The following PRR16 variants were observed in gnomAD, a reference collection of about 807,000 sequenced individuals.
PRR16 encodes the protein proline rich 16.
A neutral mutation model predicts 18.2 loss-of-function variants in PRR16; 6 were observed. The ratio of observed to expected loss-of-function variants is 0.33; its 90% CI spans 0.18 to 0.65. The LOEUF is 0.65. PRR16 is among the 30% of genes least tolerant of loss of function. The probability of loss-of-function intolerance (pLI) is 0.74; values close to 1 mark genes in which losing one functional copy is unlikely to be tolerated. For missense variants in PRR16, 412 were observed against 376.6 expected, an observed-to-expected ratio of 1.09 and a Z score of -0.78; for synonymous variants, 151 against 147.8, an observed-to-expected ratio of 1.02 and a Z score of -0.16.
chr5:120,660,626 C>T (rs1401233064), intron 1 of PRR16, among the ~76,000 whole-genome samples: 1 of 151,986 alleles, frequency 6.6e-6, no homozygotes, highest in African/African-American at 2.4e-5. Context: ...TTAAATGACA[C>T]AGATACAACA....
chr5:120,703,761 T>A, the PRR16 span, among the ~76,000 whole-genome samples: 2 of 152,248 alleles, frequency 1.3e-5, no homozygotes, highest in Non-Finnish European at 2.9e-5. Flanking sequence ...TTATTGATGG[T>A]TAAAAAGTGT....
chr5:120,648,243 C>T (rs1425694836), intron 1 of PRR16, among the ~76,000 whole-genome samples: 2 of 152,104 alleles, frequency 1.3e-5, no homozygotes, highest in Non-Finnish European at 2.9e-5. Flanking sequence ...CTATAAATAA[C>T]AGCTAATATT....
rs188406282 is a variant in PRR16, at chr5:120,581,060, C to T, written c.160-104894C>T. Among the ~76,000 whole-genome samples the T allele has an allele frequency of 3.0e-3, 462 of 152,296 alleles. 3 individuals carry two copies. The highest frequency in any genetic ancestry group is 0.011 in the African/African-American group (439 of 41,570). On this transcript the variant is annotated intron_variant, in intron 1 of 1. Transcript: ENST00000407149. Reference sequence around the variant, plus strand: ...TAAAATTAGTTAGAGAGGAGTCCCTCCTTTTCAATTGTTTGGAATAGTTTC... The same window carrying T: ...TAAAATTAGTTAGAGAGGAGTCCCTTCTTTTCAATTGTTTGGAATAGTTTC...
the PRR16 span, among the ~76,000 whole-genome samples, chr5:120,763,546 T>G: frequency 6.6e-6 from 1 of 152,204 alleles, no homozygotes; most frequent in Non-Finnish European, 1.5e-5. Context: ...TTGAGCTTTC[T>G]TTTGGTTCCA....
chr5:120,682,327 C>T (rs895454599), intron 1 of PRR16, among the ~76,000 whole-genome samples: 60 of 152,160 alleles, frequency 3.9e-4, no homozygotes, highest in African/African-American at 1.3e-3. Context: ...TTCTTCAGAG[C>T]GCTTGAGCTA....
At chr5:120,757,563 TGTG>T in the PRR16 span, among the ~76,000 whole-genome samples, 18 of 152,140 alleles carry the variant, frequency 1.2e-4, no homozygotes, top group Non-Finnish European at 1.8e-4. Flanking sequence ...AGAAAAATAA[TGTG>T]GTGTTTGAAA....
At chr5:120,505,462 C>T (rs1750609766) in intron 1 of PRR16, among the ~76,000 whole-genome samples, 1 of 152,140 alleles carries the variant, frequency 6.6e-6, no homozygotes, top group Admixed American at 6.5e-5. Flanking sequence ...CTTTGTACCC[C>T]ACTTTATACT....
chr5:120,744,650 G>T, the PRR16 span, among the ~76,000 whole-genome samples: 1 of 152,112 alleles, frequency 6.6e-6, no homozygotes, highest in African/African-American at 2.4e-5. Flanking sequence ...TTAAAATAGA[G>T]CTCATGACAT....
At chr5:120,717,208 CTTTAAGG>C in the PRR16 span, among the ~76,000 whole-genome samples, 1 of 152,108 alleles carries the variant, frequency 6.6e-6, no homozygotes, top group Non-Finnish European at 1.5e-5. Flanking sequence ...AGTACAAACA[CTTTAAGG>C]TTTAACTATT....
chr5:120,731,981 A>C, the PRR16 span, among the ~76,000 whole-genome samples: 1 of 152,204 alleles, frequency 6.6e-6, no homozygotes, highest in South Asian at 2.1e-4. Flanking sequence ...GGGGGCTACA[A>C]ATGGGTCTTG....
At chr5:120,609,038 C>G (rs1754247995) in intron 1 of PRR16, among the ~76,000 whole-genome samples, 1 of 152,142 alleles carries the variant, frequency 6.6e-6, no homozygotes, top group Admixed American at 6.6e-5. Flanking sequence ...CCTAAAATGA[C>G]CACATCTTCT....
At chr5:120,590,610 T>C (rs1037569) in intron 1 of PRR16, among the ~76,000 whole-genome samples, 120,238 of 151,932 alleles carry the variant, frequency 0.79, 48,022 homozygotes, top group East Asian at 0.91. Context: ...TACACTTGAA[T>C]GAAGTTATTG....
Position 120,667,474 on chromosome 5 carries a change from A to T in PRR16, c.160-18480A>T, listed in dbSNP as rs571920420. Reference sequence around the variant, plus strand: ...TTTCCTTCAGTTCTGCTCTGATTTTAGTTATTTCTTGCCTTCTGCTAGCTT... The same window carrying T: ...TTTCCTTCAGTTCTGCTCTGATTTTTGTTATTTCTTGCCTTCTGCTAGCTT... On this transcript the variant is annotated intron_variant, in intron 1 of 1. Transcript: ENST00000407149. Among the ~76,000 whole-genome samples the T allele has an allele frequency of 5.3e-5, 8 of 151,502 alleles. 1 individual carries two copies. The South Asian group carries it at 1.7e-3, about 32-fold the overall frequency.
the PRR16 span, among the ~76,000 whole-genome samples, chr5:120,708,441 G>A: frequency 6.6e-6 from 1 of 152,234 alleles, no homozygotes; most frequent in East Asian, 1.9e-4. Context: ...ATGAGCTCCT[G>A]GTTGAATTTT....
intron 1 of PRR16, among the ~76,000 whole-genome samples, chr5:120,479,142 G>A (rs1749532056): frequency 1.3e-5 from 2 of 152,224 alleles, no homozygotes; most frequent in Admixed American, 6.5e-5. Context: ...AGTCGTTAAG[G>A]TAGAAATGGG....
chr5:120,733,350 A>G, the PRR16 span, among the ~76,000 whole-genome samples: 3 of 152,002 alleles, frequency 2.0e-5, no homozygotes, highest in Admixed American at 6.6e-5. Flanking sequence ...GGGTCTCACT[A>G]TGGTGCCCAG....
intron 1 of PRR16, chr5:120,617,305 G>T (rs1754545448): frequency 2.6e-6 from 1 of 382,154 alleles, no homozygotes; most frequent in Middle Eastern, 1.2e-3. Flanking sequence ...TGTAAGAGTT[G>T]CAATTAACAA....
the PRR16 span, among the ~76,000 whole-genome samples, chr5:120,700,492 T>C: frequency 0.011 from 1,620 of 151,796 alleles, 35 homozygotes; most frequent in African/African-American, 0.036. Context: ...TGAAGAAGGG[T>C]GGCAATGAGA....
At chr5:120,649,387 T>C (rs1755700126) in intron 1 of PRR16, among the ~76,000 whole-genome samples, 1 of 152,178 alleles carries the variant, frequency 6.6e-6, no homozygotes, top group South Asian at 2.1e-4. Flanking sequence ...AGGATGAAGA[T>C]CAAGAGTAAT....
Sources: gnomAD v4.1 joint callset for allele counts (sites outside exome capture counted in the v4.1 genomes callset) on GRCh38, gnomAD v4.1.1 for gene constraint, MANE v1.5 for transcripts, NCBI Gene and HGNC (gene_info 2026-07-23, HGNC 2026-07-21) for gene names.